Variants in DYRK1A observed in about 807,000 individuals in gnomAD.
The protein encoded by DYRK1A is dual specificity tyrosine phosphorylation regulated kinase 1A, also known as dual specificity tyrosine-phosphorylation-regulated kinase 1A.
Under a neutral mutation model 79.7 loss-of-function variants are expected in DYRK1A, and 9 were observed. That is an observed-to-expected ratio of 0.11 (90% CI 0.07 to 0.20). The LOEUF is 0.20. Among genes scored for constraint, DYRK1A ranks in the 10% least tolerant of loss-of-function variants. The pLI, the probability that DYRK1A is intolerant of heterozygous loss-of-function variation, is 1.00. For missense variants in DYRK1A, 622 were observed against 956.0 expected, an observed-to-expected ratio of 0.65 and a Z score of 4.61; for synonymous variants, 349 against 329.7, an observed-to-expected ratio of 1.06 and a Z score of -0.63.
chr21:37,449,537 C>G (rs16995134), intron 2 of DYRK1A, among the ~76,000 whole-genome samples: 8,665 of 152,144 alleles, frequency 0.057, 867 homozygotes, highest in African/African-American at 0.2. Flanking sequence ...GTTGACATTT[C>G]ATTGGCTTGG....
Position 37,422,882 on chromosome 21 carries a change from A to G in DYRK1A, c.10+2498A>G, listed in dbSNP as rs796993634. 3.3e-5 allele frequency among the ~76,000 whole-genome samples: 5 copies of G among 152,162 alleles called. No individual in the cohort carries two copies. The South Asian group carries it at 1.0e-3, about 31-fold the overall frequency. Reference sequence around the variant, plus strand: ...TTTGATGTATTTAGTTCATGTATCTATAGGTGTTCCTGTACTTACTTAATT... The same window carrying G: ...TTTGATGTATTTAGTTCATGTATCTGTAGGTGTTCCTGTACTTACTTAATT... On this transcript the variant is annotated intron_variant, in intron 2 of 11. Coordinates refer to ENST00000647188, the MANE Select transcript of DYRK1A (RefSeq NM_001347721.2).
At chr21:37,376,202 A>G (rs557421811) in intron 1 of DYRK1A, among the ~76,000 whole-genome samples, 1 of 152,248 alleles carries the variant, frequency 6.6e-6, no homozygotes, top group African/African-American at 2.4e-5. Context: ...TGTGCCCTTT[A>G]CTGAGAAAAA....
At chr21:37,485,183 T>A (rs554882219) in intron 5 of DYRK1A, among the ~76,000 whole-genome samples, 20 of 152,260 alleles carry the variant, frequency 1.3e-4, no homozygotes, top group Non-Finnish European at 2.6e-4. Context: ...AACTGGCAGT[T>A]AGCCTGTTAA....
At chr21:37,509,778 A>G (rs1601329257) in intron 11 of DYRK1A, among the ~76,000 whole-genome samples, 1 of 152,220 alleles carries the variant, frequency 6.6e-6, no homozygotes, top group Non-Finnish European at 1.5e-5. Flanking sequence ...TTTACTATTT[A>G]CAAATGGTAG....
At position 37,515,793 on chromosome 21, in the gene DYRK1A, G is replaced by A. The variant is rs2053874173; in HGVS notation, c.*3262G>A. 1 of 151,776 alleles carries A rather than the reference G, an allele frequency of 6.6e-6. No homozygotes were observed. The highest frequency in any genetic ancestry group is 2.1e-4 in the South Asian group (1 of 4,810). The allele number at this position is 151,776 out of a possible 1,614,324, so 9.4% of individuals were successfully genotyped here. A position where few individuals can be genotyped will look rare whatever the true frequency, so the allele number is the denominator to read the frequency against. ...AAACTTCCATTAGTTTTCTTCTTAG[G>A]GTGTGAGAATTTTACCTAGGCACAT... On this transcript the variant is annotated 3_prime_UTR_variant, in exon 12 of 12. Coordinates refer to ENST00000647188, the MANE Select transcript of DYRK1A (RefSeq NM_001347721.2).
chr21:37,461,084 A>G (rs2051822747), intron 2 of DYRK1A, among the ~76,000 whole-genome samples: 1 of 152,132 alleles, frequency 6.6e-6, no homozygotes, highest in South Asian at 2.1e-4. Context: ...GTTAAGTAAG[A>G]TTTTCTGTTA....
At chr21:37,443,945 G>A (rs1054509077) in intron 2 of DYRK1A, among the ~76,000 whole-genome samples, 3 of 152,304 alleles carry the variant, frequency 2.0e-5, no homozygotes, top group East Asian at 3.9e-4. Flanking sequence ...AGGTACTGGG[G>A]TTAGGATTTG....
intron 2 of DYRK1A, among the ~76,000 whole-genome samples, chr21:37,437,382 G>A (rs1432407856): frequency 6.6e-6 from 1 of 152,212 alleles, no homozygotes; most frequent in Non-Finnish European, 1.5e-5. Context: ...TGTAGGAGAA[G>A]CAGATTTTTT....
At chr21:37,371,580 A>G (rs1222708740) in intron 1 of DYRK1A, among the ~76,000 whole-genome samples, 1 of 152,230 alleles carries the variant, frequency 6.6e-6, no homozygotes, top group Non-Finnish European at 1.5e-5. Context: ...TACCAGAGCT[A>G]TGTATCTTCT....
At chr21:37,455,075 C>G (rs988331588) in intron 2 of DYRK1A, among the ~76,000 whole-genome samples, 2 of 117,694 alleles carry the variant, frequency 1.7e-5, no homozygotes, top group African/African-American at 6.8e-5. Context: ...AGGTTACATT[C>G]TGGCAAAAAA....
In DYRK1A at chr21:37,481,915, C is replaced by T. The variant is rs150516121; in HGVS notation, c.489+1089C>T. Among the ~76,000 whole-genome samples, 23 of 152,200 alleles carry T rather than the reference C, an allele frequency of 1.5e-4. No individual in the cohort carries two copies. In the East Asian group the frequency reaches 4.3e-3, roughly 28 times the overall value. ...CAGCTGTTCCCAGTTGTAAGTCCTT[C>T]TATCACATTGAGTCACAGAGCTGTG... On this transcript the variant is annotated intron_variant, in intron 5 of 11. Transcript: ENST00000647188.
chr21:37,445,476 GTGGAGCTCGTTTTGTAATGGAGAGAGA>G (rs1262553972), intron 2 of DYRK1A, among the ~76,000 whole-genome samples: 5 of 152,190 alleles, frequency 3.3e-5, no homozygotes, highest in African/African-American at 1.2e-4. Context: ...CCCTGCTTTT[GTGGAGCTCGTTTTGTAATGGAGAGAGA>G]TACACAGTAA....
At chr21:37,403,648 AATATAT>A (rs1245905666) in intron 1 of DYRK1A, among the ~76,000 whole-genome samples, 8 of 84,594 alleles carry the variant, frequency 9.5e-5, no homozygotes, top group East Asian at 2.9e-4. Context: ...AAAAAAAAAA[AATATAT>A]ATATATATAT....
At chr21:37,455,100 A>G (rs1389258066) in intron 2 of DYRK1A, among the ~76,000 whole-genome samples, 1 of 149,928 alleles carries the variant, frequency 6.7e-6, no homozygotes, top group African/African-American at 2.5e-5. Context: ...CTCCCAGGAC[A>G]ATTCTTGGGA....
intron 1 of DYRK1A, among the ~76,000 whole-genome samples, chr21:37,381,691 G>C (rs1268659300): frequency 6.6e-6 from 1 of 152,202 alleles, no homozygotes; most frequent in Non-Finnish European, 1.5e-5. Flanking sequence ...GGGAGCCTGA[G>C]GCAGGAGGAT....
intron 2 of DYRK1A, among the ~76,000 whole-genome samples, chr21:37,463,230 G>GTGTGTGTGTGTGTC (rs1247518875): frequency 6.8e-6 from 1 of 146,084 alleles, no homozygotes; most frequent in East Asian, 2.0e-4. Flanking sequence ...GTGTGTGTGT[G>GTGTGTGTGTGTGTC]TGTATCCTGT....
intron 2 of DYRK1A, among the ~76,000 whole-genome samples, chr21:37,454,177 C>T (rs947117192): frequency 1.4e-5 from 2 of 146,328 alleles, no homozygotes; most frequent in Admixed American, 7.0e-5. Flanking sequence ...ACTGCAGCCT[C>T]GACCTCCTGG....
At chr21:37,460,210 G>C (rs1396493640) in intron 2 of DYRK1A, among the ~76,000 whole-genome samples, 2 of 151,776 alleles carry the variant, frequency 1.3e-5, no homozygotes, top group African/African-American at 4.8e-5. Context: ...TCGGCAGATT[G>C]TATGTTTTAT....
chr21:37,433,070 A>T (rs1569317471), intron 2 of DYRK1A, among the ~76,000 whole-genome samples: 2 of 147,430 alleles, frequency 1.4e-5, no homozygotes, highest in African/African-American at 5.1e-5. Context: ...TATATATGTA[A>T]TGAAGATTTT....
Sources: allele counts gnomAD v4.1 joint callset (sites outside exome capture counted in the v4.1 genomes callset), GRCh38; gene constraint gnomAD v4.1.1; transcripts MANE v1.5; gene names NCBI Gene and HGNC (gene_info 2026-07-23, HGNC 2026-07-21).